SCN1A: variants seen among roughly 807,000 people sequenced by gnomAD.
SCN1A encodes the protein sodium channel protein type 1 subunit alpha.
A neutral mutation model predicts 193.7 loss-of-function variants in SCN1A; 13 were observed. The observed-to-expected ratio is 0.07, with a 90% CI of 0.04 to 0.11. The LOEUF is 0.11. SCN1A is among the 10% of genes least tolerant of loss of function. The pLI is 1.00. For synonymous variants in SCN1A, 781 were observed against 843.6 expected (o/e 0.93, Z 1.29); for missense variants, 1,432 against 2,451.1 (o/e 0.58, Z 8.78).
intron 2 of SCN1A, chr2:166,081,506 T>C (rs545362309): frequency 3.9e-5 from 6 of 151,986 alleles, no homozygotes; most frequent in South Asian, 4.2e-4. Flanking sequence ...TCCACAAACT[T>C]CTGTGAGATA....
At chr2:166,078,546 G>A (rs1685199625) in intron 2 of SCN1A, among the ~76,000 whole-genome samples, 1 of 151,500 alleles carries the variant, frequency 6.6e-6, no homozygotes, top group Non-Finnish European at 1.5e-5. Context: ...TAAAACTACT[G>A]TAAAACTAGT....
chr2:166,019,751 G>T (rs1178474504), intron 19 of SCN1A, among the ~76,000 whole-genome samples: 1 of 152,066 alleles, frequency 6.6e-6, no homozygotes, highest in African/African-American at 2.4e-5. Flanking sequence ...TGTATGTATG[G>T]TGAATGACTA....
At chr2:166,033,799 G>A (rs1288308226) in intron 19 of SCN1A, among the ~76,000 whole-genome samples, 1 of 152,034 alleles carries the variant, frequency 6.6e-6, no homozygotes, top group Non-Finnish European at 1.5e-5. Context: ...TACAGAAAAT[G>A]TATATCTTAT....
chr2:165,992,081 G>A lies in SCN1A; in HGVS notation c.5194C>T (p.Pro1732Ser). 1 of 1,613,894 alleles carries A rather than the reference G, an allele frequency of 6.2e-7. No homozygotes were observed. The change falls in exon 29 of 29, where the codon CCC becomes TCC. Residue 1732 changes from proline to serine, a missense_variant. Physicochemically the swap from Pro to Ser is moderately conservative, Grantham distance 74 (BLOSUM62 -1). Transcript: ENST00000674923. The surrounding 1 kb of genome is among the most constrained non-coding windows in gnomAD (Gnocchi z 6.5). ...TSAGWDGLLA[P>S]ILNSKPPDCD... ...TCGGGTGGCTTACTGTTGAGAATGG[G>A]TGCTAGCAATCCATCCCAGCCAGCA...
At chr2:166,060,042 A>G (rs74911906) in intron 4 of SCN1A, 21,739 of 152,152 alleles carry the variant, frequency 0.14, 1,859 homozygotes, top group East Asian at 0.33. Flanking sequence ...TGTCTATTCT[A>G]ATAATAAAAA....
chr2:166,125,782 C>T (rs190970232), intron 2 of SCN1A, among the ~76,000 whole-genome samples: 28 of 152,172 alleles, frequency 1.8e-4, no homozygotes, highest in African/African-American at 5.8e-4. Flanking sequence ...AATTGTGCCC[C>T]GCCTTGCCCC....
At chr2:166,103,928 G>GTA (rs1688415341) in intron 2 of SCN1A, among the ~76,000 whole-genome samples, 1 of 152,162 alleles carries the variant, frequency 6.6e-6, no homozygotes, top group Non-Finnish European at 1.5e-5. Flanking sequence ...CTAGAGCAGT[G>GTA]TATAGCTAGA....
At chr2:166,139,322 G>T (rs879337745) in intron 1 of SCN1A, among the ~76,000 whole-genome samples, 1 of 152,276 alleles carries the variant, frequency 6.6e-6, no homozygotes, top group Non-Finnish European at 1.5e-5. Context: ...ATCTTGAATT[G>T]TAACTCCCAC....
upstream of SCN1A, among the ~76,000 whole-genome samples, chr2:166,132,452 C>T (rs371984092): frequency 6.6e-6 from 1 of 151,580 alleles, no homozygotes. Context: ...ACAAAGCATT[C>T]ACCAACACTG....
At chr2:166,094,349 A>G (rs879673956) in intron 2 of SCN1A, among the ~76,000 whole-genome samples, 5 of 152,242 alleles carry the variant, frequency 3.3e-5, no homozygotes, top group African/African-American at 4.8e-5. Context: ...TGATCAATTT[A>G]GACCCCAGAG....
intron 2 of SCN1A, among the ~76,000 whole-genome samples, chr2:166,107,795 A>T (rs1688855990): frequency 6.6e-6 from 1 of 152,178 alleles, no homozygotes; most frequent in Admixed American, 6.5e-5. Flanking sequence ...ATAACAATGT[A>T]CAAAGATTAA....
At chr2:166,147,558 T>G (rs1211694537) in intron 1 of SCN1A, among the ~76,000 whole-genome samples, 3 of 152,200 alleles carry the variant, frequency 2.0e-5, no homozygotes, top group African/African-American at 4.8e-5. Flanking sequence ...TAAGTACAAT[T>G]AAGTATGTAT....
chr2:166,012,219 T>C lies in SCN1A; in HGVS notation c.3769A>G (p.Lys1257Glu). 6.2e-7 allele frequency: 1 copy of C among 1,610,466 alleles called. No individual in the cohort carries two copies. The highest frequency in any genetic ancestry group is 2.2e-5 in the East Asian group (1 of 44,726). The part of the protein sequence containing the change: ...TIKTMLEYAD[K>E]VFTYIFILEM... ...AGAATGAAAATGTAAGTGAAAACCT[T>C]GTCAGCATATTCCAACATCGTCTTA... Residue 1257 changes from lysine (K) to glutamate (E), a missense_variant, in exon 22 of 29, where the codon AAG (lysine) becomes GAG (glutamate). This residue lies in a region of SCN1A where 107 missense variants were observed against 259.4 expected (regional missense o/e 0.41). Transcript: ENST00000674923.
At chr2:166,025,530 C>G (rs1171204675) in intron 19 of SCN1A, among the ~76,000 whole-genome samples, 1 of 152,152 alleles carries the variant, frequency 6.6e-6, no homozygotes, top group Non-Finnish European at 1.5e-5. Flanking sequence ...CATCATCCCC[C>G]TTTTTGTCAT....
intron 2 of SCN1A, among the ~76,000 whole-genome samples, chr2:166,095,725 A>T (rs1687306703): frequency 6.6e-6 from 1 of 152,164 alleles, no homozygotes; most frequent in Non-Finnish European, 1.5e-5. Context: ...ACTTGCCTTG[A>T]TGGGCCAATT....
At chr2:166,086,577 C>T (rs941935114) in intron 2 of SCN1A, among the ~76,000 whole-genome samples, 14 of 152,126 alleles carry the variant, frequency 9.2e-5, no homozygotes, top group African/African-American at 3.4e-4. Context: ...TCCTTTTTCC[C>T]TCCCTTGAAG....
intron 19 of SCN1A, among the ~76,000 whole-genome samples, chr2:166,027,693 A>C (rs576804400): frequency 1.3e-5 from 2 of 151,946 alleles, no homozygotes; most frequent in East Asian, 3.8e-4. Context: ...GACAGGTACT[A>C]TTTTAATGCT....
intron 28 of SCN1A, chr2:165,993,459 G>A (rs913906175): frequency 2.6e-5 from 4 of 152,092 alleles, no homozygotes; most frequent in African/African-American, 9.7e-5. Context: ...CCCACAGACA[G>A]ATGCTTTTTA....
chr2:166,016,607 T>C (rs1156691657), intron 19 of SCN1A: 2 of 152,036 alleles, frequency 1.3e-5, no homozygotes, highest in Non-Finnish European at 2.9e-5. Context: ...GAAAAACTCA[T>C]GACGCTCTTT....
Sources: gnomAD v4.1 joint callset for allele counts (sites outside exome capture counted in the v4.1 genomes callset) on GRCh38, gnomAD v4.1.1 for gene constraint, gnomAD v4.1.1 regional missense constraint, Gnocchi (gnomAD v3.1) non-coding constraint, MANE v1.5 for transcripts, NCBI Gene and HGNC (gene_info 2026-07-23, HGNC 2026-07-21) for gene names.